Variants in TRPM8 observed in about 807,000 individuals in gnomAD.
The protein encoded by TRPM8 is transient receptor potential cation channel subfamily M member 8, also known as TRPM8 cationic channel.
A neutral mutation model predicts 133.7 loss-of-function variants in TRPM8; 110 were observed. The observed-to-expected ratio is 0.82, with a 90% confidence interval of 0.70 to 0.96. The LOEUF (loss-of-function observed/expected upper bound fraction) is 0.96, where lower values mean the gene tolerates loss of function less well. TRPM8 is among the 40% of genes least tolerant of loss of function. TRPM8 has a pLI of 0.00. For missense variants in TRPM8, 1,291 were observed against 1,379.5 expected (o/e 0.94, Z 1.02); for synonymous variants, 535 against 532.3 (o/e 1.01, Z -0.07).
chr2:233,923,348 T>C (rs1273046176), intron 1 of TRPM8, among the ~76,000 whole-genome samples: 1 of 152,182 alleles, frequency 6.6e-6, no homozygotes, highest in Non-Finnish European at 1.5e-5. Flanking sequence ...GAACATTCTT[T>C]TCTTTGGAAA....
intron 9 of TRPM8, 78 bp from the exon 10 acceptor site, chr2:233,953,839 C>A (rs1691227820): frequency 2.8e-6 from 3 of 1,075,084 alleles, no homozygotes; most frequent in Admixed American, 2.3e-5. Flanking sequence ...TTAAAAAGAT[C>A]TCTCACAAAA....
intron 14 of TRPM8, among the ~76,000 whole-genome samples, chr2:233,965,731 T>C (rs181322275): frequency 4.9e-4 from 74 of 152,280 alleles, no homozygotes; most frequent in African/African-American, 1.7e-3. Context: ...TCTGGATAAT[T>C]AGGCAATGGC....
chr2:233,971,832 C>T (rs1175973838), intron 17 of TRPM8, among the ~76,000 whole-genome samples: 2 of 151,812 alleles, frequency 1.3e-5, no homozygotes, highest in African/African-American at 2.4e-5. Context: ...AGCTTCCACA[C>T]TGTGGAAGGG....
At chr2:233,996,728 G>A (rs1692412631) in intron 22 of TRPM8, among the ~76,000 whole-genome samples, 1 of 152,144 alleles carries the variant, frequency 6.6e-6, no homozygotes, top group African/African-American at 2.4e-5. Context: ...GGGATAGCCT[G>A]CTCTGTGGGG....
In TRPM8 at chr2:233,972,829, C is replaced by T. The variant is rs1024584394; in HGVS notation, c.2355+2403C>T. The stretch of plus-strand genomic sequence containing the variant: ...GGCCCGCAAGCTCCACACGCAGCCC[C>T]GGTTCCCGCTCACGCCACTCCTTCC... On this transcript the variant is annotated intron_variant, in intron 17 of 25. Transcript: ENST00000324695. 7.9e-5 allele frequency among the ~76,000 whole-genome samples: 12 copies of T among 152,176 alleles called. 1 individual carries two copies. In the South Asian group the frequency reaches 8.3e-4, roughly 11 times the overall value.
chr2:233,939,921 G>A (rs921031045), intron 5 of TRPM8, among the ~76,000 whole-genome samples: 2 of 152,042 alleles, frequency 1.3e-5, no homozygotes, highest in African/African-American at 4.8e-5. Flanking sequence ...TTTCAAACCC[G>A]AACAGTTACC....
In TRPM8 at chr2:233,983,118, G is replaced by A. The variant is rs2125289844; in HGVS notation, c.2655G>A (p.Arg885=). 3.1e-6 allele frequency: 5 copies of A among 1,614,182 alleles called. No individual in the cohort carries two copies. Among genetic ancestry groups the A allele is most frequent in the Middle Eastern group, 1.6e-4 (1 of 6,062 alleles). Reference sequence around the variant, plus strand: ...GGATGGTGGCCTTTGGCGTGGCCAGGCAAGGGATCCTTAGGCAGAATGAGC... The same window carrying A: ...GGATGGTGGCCTTTGGCGTGGCCAGACAAGGGATCCTTAGGCAGAATGAGC... The part of the protein sequence containing the change: ...AVWMVAFGVA[R]QGILRQNEQR... The change falls in exon 20 of 26, where the codon AGG becomes AGA. Residue 885 remains arginine, a synonymous_variant. Transcript: ENST00000324695.
intron 2 of TRPM8, among the ~76,000 whole-genome samples, chr2:233,930,340 T>C (rs113684102): frequency 6.6e-6 from 1 of 152,348 alleles, no homozygotes. Context: ...ATATTATTTA[T>C]GAAAAACTAT....
At chr2:233,950,526 T>C (rs1691149515) in intron 9 of TRPM8, among the ~76,000 whole-genome samples, 1 of 152,168 alleles carries the variant, frequency 6.6e-6, no homozygotes, top group Admixed American at 6.5e-5. Context: ...AAGAGGTGGC[T>C]TGAGGTGCAG....
intron 18 of TRPM8, among the ~76,000 whole-genome samples, chr2:233,981,290 T>G (rs1692001706): frequency 6.6e-6 from 1 of 152,176 alleles, no homozygotes; most frequent in African/African-American, 2.4e-5. Context: ...TCTAGATCAC[T>G]CCAGTTAGAA....
intron 11 of TRPM8, 21 bp from the exon 12 acceptor site, chr2:233,960,755 G>A: frequency 6.2e-7 from 1 of 1,608,162 alleles, no homozygotes; most frequent in Non-Finnish European, 8.5e-7. Context: ...TGTTAGTACT[G>A]TCTCTGTTCT....
At chr2:233,982,969 T>A in intron 19 of TRPM8, 84 bp from the exon 20 acceptor site, 1 of 1,460,924 alleles carries the variant, frequency 6.8e-7, no homozygotes, top group South Asian at 1.3e-5. Flanking sequence ...CTCTTCTCCA[T>A]GGTCCACTGA....
At position 233,996,327 on chromosome 2, in the gene TRPM8, T is replaced by C; in HGVS notation, c.2941T>C (p.Tyr981His). Residue 981 changes from tyrosine (Y) to histidine (H), a missense_variant and splice_region_variant, in exon 22 of 26, where the codon TAC becomes CAC. By Grantham distance (83) the Tyr-to-His change is moderately conservative. This residue lies in a region of TRPM8 where 328 missense variants were observed against 410.6 expected (regional missense o/e 0.80). Transcript: ENST00000324695. The stretch of plus-strand genomic sequence containing the variant: ...TGGCCTTCTCTCTTCCCTCACCAGC[T>C]ACACGGTGGGCACCGTCCAGGAGAA... ...LVNLLVAMFG[Y>H]TVGTVQENND... The C allele has an allele frequency of 1.2e-6, 2 of 1,613,966 alleles. No homozygotes were observed. The highest frequency in any genetic ancestry group is 1.7e-6 in the Non-Finnish European group (2 of 1,179,930).
At chr2:233,960,723 C>G (rs942983524) in intron 11 of TRPM8, 53 bp from the exon 12 acceptor site, 74 of 1,497,270 alleles carry the variant, frequency 4.9e-5, no homozygotes, top group Non-Finnish European at 6.4e-5. Flanking sequence ...CTAGTGCTTT[C>G]CTTACCATAT....
chr2:233,979,266 C>T (rs1421027677), intron 17 of TRPM8, among the ~76,000 whole-genome samples: 4 of 152,278 alleles, frequency 2.6e-5, no homozygotes, highest in South Asian at 2.1e-4. Context: ...ATCCTCATAC[C>T]GATCTTCGTG....
intron 1 of TRPM8, among the ~76,000 whole-genome samples, chr2:233,920,019 G>A (rs1175397209): frequency 1.3e-5 from 2 of 152,180 alleles, no homozygotes; most frequent in African/African-American, 2.4e-5. Context: ...TGGTCCTGAG[G>A]CCACCTCATT....
chr2:233,942,161 C>A (rs981933254), intron 5 of TRPM8, among the ~76,000 whole-genome samples: 3 of 144,608 alleles, frequency 2.1e-5, no homozygotes, highest in African/African-American at 5.3e-5. Flanking sequence ...CTCACTGCAA[C>A]CTCTGCCTCC....
chr2:234,006,968 CTTTCTGCTTT>C lies in TRPM8; in HGVS notation c.3230+17_3230+26del, dbSNP rs745751024. On this transcript the variant is annotated intron_variant, in intron 23 of 25. Transcript: ENST00000324695. Reference sequence around the variant, plus strand: ...CCTCAGAGGAGTATGTCAGACATCCCTTTCTGCTTTGCAAGGCTCCCTCTGTAGACATAAG... The same window carrying C: ...CCTCAGAGGAGTATGTCAGACATCCCGCAAGGCTCCCTCTGTAGACATAAG... 6.3e-7 allele frequency: 1 copy of C among 1,597,274 alleles called. No individual in the cohort carries two copies. Among genetic ancestry groups the C allele is most frequent in the Non-Finnish European group, 8.6e-7 (1 of 1,165,264 alleles).
chr2:234,006,051 T>A (rs1177958063), intron 22 of TRPM8, among the ~76,000 whole-genome samples: 1 of 152,114 alleles, frequency 6.6e-6, no homozygotes, highest in Non-Finnish European at 1.5e-5. Flanking sequence ...AGAAATCTTA[T>A]AATTATTCCT....
Sources: gnomAD v4.1 joint callset for allele counts (sites outside exome capture counted in the v4.1 genomes callset) on GRCh38, gnomAD v4.1.1 for gene constraint, gnomAD v4.1.1 regional missense constraint, MANE v1.5 for transcripts, NCBI Gene and HGNC (gene_info 2026-07-23, HGNC 2026-07-21) for gene names.